LRRC27: variants seen among roughly 807,000 people sequenced by gnomAD.
LRRC27 encodes the protein leucine rich repeat containing 27, also known as leucine-rich repeat-containing protein 27.
Under a neutral mutation model 55.0 loss-of-function variants are expected in LRRC27, and 57 were observed. The observed-to-expected ratio is 1.04, with a 90% CI of 0.84 to 1.29. LRRC27 has a LOEUF of 1.29. Ranked by LOEUF, LRRC27 falls within the 50% of genes most tolerant of loss-of-function variation. The pLI is 0.00. For missense variants in LRRC27, 721 were observed against 651.5 expected (o/e 1.11, Z -1.16); for synonymous variants, 278 against 251.9 (o/e 1.10, Z -0.98).
At chr10:132,358,974 G>A (rs1361630989) in intron 8 of LRRC27, among the ~76,000 whole-genome samples, 1 of 57,908 alleles carries the variant, frequency 1.7e-5, no homozygotes, top group African/African-American at 6.6e-5. Context: ...GGGAGGAGCC[G>A]AGGTGGTGGA....
At chr10:132,363,576 G>A (rs1448606943) in intron 9 of LRRC27, among the ~76,000 whole-genome samples, 1 of 152,178 alleles carries the variant, frequency 6.6e-6, no homozygotes, top group Non-Finnish European at 1.5e-5. Flanking sequence ...CCCAGGGCAT[G>A]AGCACTGCTC....
At position 132,372,064 on chromosome 10, in the gene LRRC27, A is replaced by G. The variant is rs866357657; in HGVS notation, c.1417-3002A>G. 4.6e-5 allele frequency among the ~76,000 whole-genome samples: 7 copies of G among 152,250 alleles called. No individual in the cohort carries two copies. The highest frequency in any genetic ancestry group is 7.3e-5 in the Non-Finnish European group (5 of 68,038). On this transcript the variant is annotated intron_variant, in intron 10 of 10. Coordinates refer to ENST00000368614, the MANE Select transcript of LRRC27 (RefSeq NM_030626.3). This position sits in a 1 kb window ranked among gnomAD's most constrained non-coding sequence, Gnocchi z 4.0. ...AAGATGCACAGTGATGCAGCCCCAGAGCCTGAAAAGCACAGGAAGACAAAA... is the reference window on the plus strand; with the variant it reads ...AAGATGCACAGTGATGCAGCCCCAGGGCCTGAAAAGCACAGGAAGACAAAA...
Position 132,337,658 on chromosome 10 carries a change from A to G in LRRC27, c.304A>G (p.Arg102Gly), listed in dbSNP as rs139746555. The G allele has an allele frequency of 6.2e-7, 1 of 1,614,082 alleles. No individual in the cohort carries two copies. The highest frequency in any genetic ancestry group is 1.3e-5 in the African/African-American group (1 of 74,930). The change falls in exon 3 of 11, where the codon AGA becomes GGA. Residue 102 changes from arginine (R) to glycine (G), a missense_variant. Physicochemically the swap from Arg to Gly is moderately radical, Grantham distance 125. Coordinates refer to ENST00000368614, the MANE Select transcript of LRRC27 (RefSeq NM_030626.3). ...GACTTGGCTGGACCTCCGGTACAAT[A>G]GAATTAAAGCGCTTCCTTCTGGGAT... ...NLTWLDLRYNRIKALPSGIGA... is the reference protein window; with the variant it reads ...NLTWLDLRYNGIKALPSGIGA...
chr10:132,339,497 G>A (rs187815689), intron 3 of LRRC27, among the ~76,000 whole-genome samples: 72 of 152,264 alleles, frequency 4.7e-4, no homozygotes, highest in Middle Eastern at 3.4e-3. Context: ...GACCACAGAC[G>A]GACCTGGAGG....
intron 7 of LRRC27, chr10:132,353,343 GCCCCTGT>G: frequency 9.2e-7 from 1 of 1,088,826 alleles, no homozygotes; most frequent in Non-Finnish European, 1.1e-6. Context: ...CTCTTGCACC[GCCCCTGT>G]GGCTCACCTG....
chr10:132,373,571 G>A (rs1012909877), intron 10 of LRRC27, among the ~76,000 whole-genome samples: 3 of 152,202 alleles, frequency 2.0e-5, no homozygotes, highest in African/African-American at 7.2e-5. Context: ...AAGGTCAGGG[G>A]TCAGCACACA....
rs372090789 is a variant in LRRC27 at position 132,375,113 on chromosome 10, C to A, written c.1464C>A (p.Thr488=). 3.1e-6 allele frequency: 5 copies of A among 1,613,930 alleles called. No individual in the cohort carries two copies. The African/African-American group carries it at 6.7e-5, about 22-fold the overall frequency. ...DEVLKLKLGL[T]LNKDRRRAAL... ...TATTGAAGCTAAAATTGGGATTAAC[C>A]TTGAACAAAGATCGTCGACGGGCGG... is the stretch of plus-strand genomic sequence containing the variant. Residue 488 remains threonine, a synonymous_variant, in exon 11 of 11, where the codon ACC becomes ACA. Coordinates refer to ENST00000368614, the MANE Select transcript of LRRC27 (RefSeq NM_030626.3).
intron 3 of LRRC27, among the ~76,000 whole-genome samples, chr10:132,339,097 G>C (rs1214022263): frequency 6.6e-6 from 1 of 152,206 alleles, no homozygotes; most frequent in Non-Finnish European, 1.5e-5. Context: ...GGCAGCCTGG[G>C]CGTGGCTGGC....
At chr10:132,353,973 G>T (rs996163511) in intron 7 of LRRC27, among the ~76,000 whole-genome samples, 1 of 152,240 alleles carries the variant, frequency 6.6e-6, no homozygotes, top group African/African-American at 2.4e-5. Context: ...TGAAGTGGGT[G>T]TCCAGACACC....
rs749706516 is a variant in LRRC27, at chr10:132,375,132, C to T, written c.1483C>T (p.Arg495Trp). The change falls in exon 11 of 11, where the codon CGG becomes TGG. Residue 495 changes from arginine (R) to tryptophan (W), a missense_variant. Physicochemically the swap from Arg to Trp is moderately radical, Grantham distance 101. Transcript: ENST00000368614. ...ATTAACCTTGAACAAAGATCGTCGACGGGCGGCCCTCACTGGAAACCTTTC... is the reference window on the plus strand; with the variant it reads ...ATTAACCTTGAACAAAGATCGTCGATGGGCGGCCCTCACTGGAAACCTTTC... ...LGLTLNKDRRRAALTGNLSLG... is the reference protein window; with the variant it reads ...LGLTLNKDRRWAALTGNLSLG... 21 of 1,614,022 alleles carry T rather than the reference C, an allele frequency of 1.3e-5. No individual in the cohort carries two copies. The highest frequency in any genetic ancestry group is 1.6e-4 in the Middle Eastern group (1 of 6,066).
chr10:132,351,599 A>C lies in LRRC27; in HGVS notation c.927-8A>C, dbSNP rs200216093. On this transcript the variant is annotated splice_polypyrimidine_tract_variant and splice_region_variant and intron_variant, in intron 6 of 10. Transcript: ENST00000368614. ...AAACATTCAGCTAAAAACACTCTGTAATTTTAGAAGGAAGACAGCCTCCTC... is the reference window on the plus strand; with the variant it reads ...AAACATTCAGCTAAAAACACTCTGTCATTTTAGAAGGAAGACAGCCTCCTC... 9.8e-4 allele frequency: 1,579 copies of C among 1,609,642 alleles called. 4 individuals are homozygous for C. The highest frequency in any genetic ancestry group is 1.3e-3 in the Non-Finnish European group (1,493 of 1,178,494).
intron 3 of LRRC27, among the ~76,000 whole-genome samples, chr10:132,341,466 T>C (rs763316487): frequency 3.4e-4 from 51 of 152,132 alleles, no homozygotes; most frequent in Non-Finnish European, 1.6e-4. Flanking sequence ...TTTAATAGAA[T>C]ATATAGATTT....
intron 10 of LRRC27, among the ~76,000 whole-genome samples, chr10:132,370,163 A>G (rs2069181517): frequency 6.6e-6 from 1 of 152,212 alleles, no homozygotes; most frequent in Non-Finnish European, 1.5e-5. Flanking sequence ...TCTTGGGGAC[A>G]TGAATTGCCA....
intron 8 of LRRC27, among the ~76,000 whole-genome samples, chr10:132,360,594 G>T (rs964799513): frequency 6.6e-6 from 1 of 152,020 alleles, no homozygotes; most frequent in Non-Finnish European, 1.5e-5. Context: ...CCATCTTTCC[G>T]CCCTTTCTGG....
At chr10:132,354,948 G>A (rs570832756) in intron 7 of LRRC27, among the ~76,000 whole-genome samples, 21 of 152,332 alleles carry the variant, frequency 1.4e-4, no homozygotes, top group East Asian at 5.8e-4. Flanking sequence ...AGCCACACGC[G>A]AGGAGCCCCG....
intron 2 of LRRC27, among the ~76,000 whole-genome samples, chr10:132,334,027 G>C (rs553206272): frequency 1.3e-5 from 2 of 152,240 alleles, no homozygotes; most frequent in East Asian, 3.9e-4. Context: ...AAACACGCTT[G>C]GTCTCTTAAT....
At chr10:132,352,127 TGAGGCCTCCGTGTGGGGCAGGC>T (rs1462894490) in intron 7 of LRRC27, among the ~76,000 whole-genome samples, 2 of 58,518 alleles carry the variant, frequency 3.4e-5, no homozygotes, top group East Asian at 1.1e-3. Context: ...GGGCAGGCGC[TGAGGCCTCCGTGTGGGGCAGGC>T]GCTGAGGCCT....
intron 9 of LRRC27, among the ~76,000 whole-genome samples, chr10:132,365,161 A>G (rs2069004276): frequency 6.6e-6 from 1 of 152,256 alleles, no homozygotes; most frequent in Non-Finnish European, 1.5e-5. Flanking sequence ...TTAAATAAGA[A>G]TAGTGTGTGT....
chr10:132,364,936 C>T (rs555903620), intron 9 of LRRC27, among the ~76,000 whole-genome samples: 66 of 138,206 alleles, frequency 4.8e-4, no homozygotes, highest in South Asian at 2.3e-4. Flanking sequence ...CACCCTGAGT[C>T]ATTGTCTTTA....
Sources: gnomAD v4.1 joint callset for allele counts (sites outside exome capture counted in the v4.1 genomes callset) on GRCh38, gnomAD v4.1.1 for gene constraint, Gnocchi (gnomAD v3.1) non-coding constraint, MANE v1.5 for transcripts, NCBI Gene and HGNC (gene_info 2026-07-23, HGNC 2026-07-21) for gene names.